SCNN1G: variants seen among roughly 807,000 people sequenced by gnomAD.
SCNN1G encodes sodium channel epithelial 1 subunit gamma, also known as epithelial sodium channel subunit gamma.
Under a neutral mutation model 64.6 loss-of-function variants are expected in SCNN1G, and 27 were observed. That is an observed-to-expected ratio of 0.42 (90% CI 0.31 to 0.58). SCNN1G has a LOEUF of 0.58. Ranked by LOEUF, SCNN1G falls within the 20% of genes least tolerant of loss-of-function variation. SCNN1G has a pLI of 0.18. For synonymous variants in SCNN1G, 330 were observed against 314.2 expected (o/e 1.05, Z -0.53); for missense variants, 743 against 823.4 (o/e 0.90, Z 1.19).
intron 10 of SCNN1G, 22 bp downstream of exon 10, chr16:23,212,916 T>G: frequency 6.2e-7 from 1 of 1,612,222 alleles, no homozygotes; most frequent in Non-Finnish European, 8.5e-7. Context: ...TGCCCACCCT[T>G]CCCCACTGAA....
chr16:23,211,628 G>A (rs1240534241), intron 7 of SCNN1G, among the ~76,000 whole-genome samples: 2 of 152,034 alleles, frequency 1.3e-5, no homozygotes, highest in Admixed American at 6.6e-5. Context: ...TGGCCAACAT[G>A]GTGAAACCCT....
Position 23,187,906 on chromosome 16 carries a change from C to T in SCNN1G, c.317+1318C>T, listed in dbSNP as rs150167525. Among the ~76,000 whole-genome samples the T allele has an allele frequency of 1.1e-3, 162 of 152,294 alleles. 1 individual carries two copies. The highest frequency in any genetic ancestry group is 3.5e-3 in the African/African-American group (145 of 41,562). On this transcript the variant is annotated intron_variant, in intron 2 of 12. Transcript: ENST00000300061. Reference sequence around the variant, plus strand: ...AGGGGAGAAAGATTATCAAACGAAACTAACTTGTCCAGAATCGTCAGTGAG... The same window carrying T: ...AGGGGAGAAAGATTATCAAACGAAATTAACTTGTCCAGAATCGTCAGTGAG...
At chr16:23,207,755 G>C (rs1387603320) in intron 6 of SCNN1G, among the ~76,000 whole-genome samples, 1 of 152,134 alleles carries the variant, frequency 6.6e-6, no homozygotes, top group African/African-American at 2.4e-5. Flanking sequence ...TTGCCCTGGA[G>C]GTACTTGCAG....
In SCNN1G at chr16:23,187,180, C is replaced by T. The variant is rs1279713515; in HGVS notation, c.317+592C>T. ...CTGGAGTGCAGTGGTGCAATCATAG[C>T]TCCCTGCAGCCCCGACCTCCTGGGC... is the stretch of plus-strand genomic sequence containing the variant. On this transcript the variant is annotated intron_variant, in intron 2 of 12. Coordinates refer to ENST00000300061, the MANE Select transcript of SCNN1G (RefSeq NM_001039.4). Among the ~76,000 whole-genome samples, 45 of 149,466 alleles carry T rather than the reference C, an allele frequency of 3.0e-4. 1 individual carries two copies. Among genetic ancestry groups the T allele is most frequent in the African/African-American group, 5.0e-5 (2 of 40,358 alleles).
chr16:23,206,706 T>C (rs1332893759), intron 6 of SCNN1G, among the ~76,000 whole-genome samples: 2 of 152,132 alleles, frequency 1.3e-5, no homozygotes, highest in Non-Finnish European at 2.9e-5. Flanking sequence ...TGGTTTGATA[T>C]AAATGGGCTC....
chr16:23,215,796 C>A lies in SCNN1G; in HGVS notation c.*327C>A. The A allele has an allele frequency of 2.4e-6, 1 of 417,014 alleles. No individual in the cohort carries two copies. Among genetic ancestry groups the A allele is most frequent in the Admixed American group, 3.7e-5 (1 of 27,180 alleles). The allele number at this position is 417,014 out of a possible 1,614,324, so 25.8% of individuals were successfully genotyped here. On this transcript the variant is annotated 3_prime_UTR_variant, in exon 13 of 13. Coordinates refer to ENST00000300061, the MANE Select transcript of SCNN1G (RefSeq NM_001039.4). ...GAGTGAGGACTGATGCAGCTCTTTA[C>A]GGGTCTTGAGAGGGAAGGACTCTTC...
In SCNN1G at chr16:23,209,696, C is replaced by T. The variant is rs1268334154; in HGVS notation, c.1078-54C>T. Reference sequence around the variant, plus strand: ...CCTGTCTGGTGCTCCTTGCAAAGCCCCCGCCTGGGTCCGGGGGGAGGACAG... The same window carrying T: ...CCTGTCTGGTGCTCCTTGCAAAGCCTCCGCCTGGGTCCGGGGGGAGGACAG... On this transcript the variant is annotated intron_variant, in intron 6 of 12. Transcript: ENST00000300061. 7.3e-6 allele frequency: 10 copies of T among 1,370,768 alleles called. 1 individual carries two copies. The highest frequency in any genetic ancestry group is 1.7e-5 in the Admixed American group (1 of 59,700). 84.9% of individuals were successfully genotyped at this position (1,370,768 alleles called of 1,614,324 possible).
In SCNN1G at chr16:23,213,284, A is replaced by C. The variant is rs528001120; in HGVS notation, c.1493+121A>C. The C allele has an allele frequency of 7.0e-3, 4,728 of 679,622 alleles. 43 individuals are homozygous for C. The highest frequency in any genetic ancestry group is 0.021 in the Admixed American group (779 of 37,010). The allele number at this position is 679,622 out of a possible 1,614,324, so 42.1% of individuals were successfully genotyped here. A position where few individuals can be genotyped will look rare whatever the true frequency, so the allele number is the denominator to read the frequency against. On this transcript the variant is annotated intron_variant, in intron 11 of 12. Transcript: ENST00000300061. ...TTTTTTTTTTTTTTTATGGAGTCTT[A>C]CTCTGTCACCCAGGCTGGAGTGCAG...
intron 6 of SCNN1G, among the ~76,000 whole-genome samples, chr16:23,207,405 T>C (rs1271628011): frequency 6.6e-6 from 1 of 152,208 alleles, no homozygotes. Flanking sequence ...TGGAGAAGCT[T>C]AGAGGATGGC....
At position 23,197,202 on chromosome 16, in the gene SCNN1G, G is replaced by A. The variant is rs959054866; in HGVS notation, c.914-62G>A. On this transcript the variant is annotated intron_variant, in intron 5 of 12. Transcript: ENST00000300061. ...AAGCTCCTGAAGCAGTGGGAGAGGT[G>A]GTTTACCCCCAGGAAATGTTTTCCT... is the stretch of plus-strand genomic sequence containing the variant. 1.1e-5 allele frequency: 16 copies of A among 1,421,172 alleles called. 1 individual carries two copies. In the South Asian group the frequency reaches 1.9e-4, roughly 16 times the overall value. The allele number at this position is 1,421,172 out of a possible 1,614,324, so 88.0% of individuals were successfully genotyped here. A position where few individuals can be genotyped will look rare whatever the true frequency, so the allele number is the denominator to read the frequency against.
intron 1 of SCNN1G, among the ~76,000 whole-genome samples, chr16:23,185,505 G>T (rs186607763): frequency 1.2e-3 from 187 of 152,276 alleles, no homozygotes; most frequent in Non-Finnish European, 2.1e-3. Context: ...TAAATTAATG[G>T]TATCTTAGAA....
At chr16:23,186,053 G>A (rs1959600597) in intron 1 of SCNN1G, among the ~76,000 whole-genome samples, 175 bp from the exon 2 acceptor site, 1 of 152,262 alleles carries the variant, frequency 6.6e-6, no homozygotes, top group East Asian at 1.9e-4. Flanking sequence ...AAAAACAAAC[G>A]TCCCGTGGAA....
intron 7 of SCNN1G, among the ~76,000 whole-genome samples, 172 bp downstream of exon 7, chr16:23,210,020 C>T (rs530603256): frequency 2.6e-5 from 4 of 152,302 alleles, no homozygotes; most frequent in South Asian, 2.1e-4. Context: ...CTCTGCAGTT[C>T]GTCTGTAACC....
chr16:23,212,087 C>T lies in SCNN1G; in HGVS notation c.1230C>T (p.Ala410=). 1 of 1,614,062 alleles carries T rather than the reference C, an allele frequency of 6.2e-7. No homozygotes were observed. The highest frequency in any genetic ancestry group is 1.1e-5 in the South Asian group (1 of 91,080). The change falls in exon 8 of 13, where the codon GCC becomes GCT. Residue 410 remains alanine, a synonymous_variant. Transcript: ENST00000300061. Reference sequence around the variant, plus strand: ...AGATGGTGGAGAAATGTGGGTGTGCCCAGTACAGCCAGCCTCTACCTCCTG... The same window carrying T: ...AGATGGTGGAGAAATGTGGGTGTGCTCAGTACAGCCAGCCTCTACCTCCTG... ...QTKMVEKCGC[A]QYSQPLPPAA...
intron 12 of SCNN1G, 110 bp from the exon 13 acceptor site, chr16:23,214,979 C>G: frequency 7.5e-7 from 1 of 1,339,616 alleles, no homozygotes; most frequent in Non-Finnish European, 1.1e-6. Flanking sequence ...TTCCTCCCAG[C>G]CTGTGCAGGG....
chr16:23,208,774 G>C lies in SCNN1G; in HGVS notation c.1078-976G>C, dbSNP rs550526353. ...TGTTTTCAAAATAGGGTCTTCCTCTGTCACCAACGCTGGATTGCAGTGGCA... is the reference window on the plus strand; with the variant it reads ...TGTTTTCAAAATAGGGTCTTCCTCTCTCACCAACGCTGGATTGCAGTGGCA... On this transcript the variant is annotated intron_variant, in intron 6 of 12. Transcript: ENST00000300061. 4.2e-5 allele frequency among the ~76,000 whole-genome samples: 6 copies of C among 144,246 alleles called. 1 individual carries two copies. The highest frequency in any genetic ancestry group is 3.6e-4 in the Admixed American group (5 of 13,782). The allele number at this position is 144,246 out of a possible 152,430, so 94.6% of individuals were successfully genotyped here.
At chr16:23,200,165 C>T (rs1959866085) in intron 6 of SCNN1G, among the ~76,000 whole-genome samples, 1 of 152,190 alleles carries the variant, frequency 6.6e-6, no homozygotes, top group Non-Finnish European at 1.5e-5. Context: ...AGACTCAAAG[C>T]CACTGAATCA....
At chr16:23,199,489 G>A (rs910082191) in intron 6 of SCNN1G, among the ~76,000 whole-genome samples, 9 of 152,018 alleles carry the variant, frequency 5.9e-5, no homozygotes, top group Admixed American at 2.6e-4. Flanking sequence ...GTCCCCCAAT[G>A]AGGATATAGC....
Position 23,189,552 on chromosome 16 carries a change from G to A in SCNN1G, c.499G>A (p.Glu167Lys). The A allele has an allele frequency of 6.2e-7, 1 of 1,614,244 alleles. No individual in the cohort carries two copies. Among genetic ancestry groups the A allele is most frequent in the Non-Finnish European group, 8.5e-7 (1 of 1,180,042 alleles). The change falls in exon 3 of 13, where the codon GAG becomes AAG. Residue 167 changes from glutamate (E) to lysine (K), a missense_variant. Coordinates refer to ENST00000300061, the MANE Select transcript of SCNN1G (RefSeq NM_001039.4). ...TCCGCTGCTGATCTTTGATCAGGATGAGAAGGGCAAGGCCAGGGACTTCTT... is the reference window on the plus strand; with the variant it reads ...TCCGCTGCTGATCTTTGATCAGGATAAGAAGGGCAAGGCCAGGGACTTCTT... Reference protein sequence around the residue: ...RIPLLIFDQDEKGKARDFFTG... With the variant: ...RIPLLIFDQDKKGKARDFFTG...
Sources: allele counts gnomAD v4.1 joint callset (sites outside exome capture counted in the v4.1 genomes callset), GRCh38; gene constraint gnomAD v4.1.1; transcripts MANE v1.5; gene names NCBI Gene and HGNC (gene_info 2026-07-23, HGNC 2026-07-21).